NKX2-3: variants seen among roughly 807,000 people sequenced by gnomAD.
The protein encoded by NKX2-3 is homeobox protein Nkx-2.3.
In NKX2-3, 3 loss-of-function variants were observed where a neutral mutation model predicts 14.2. The ratio of observed to expected loss-of-function variants is 0.21; its 90% confidence interval spans 0.10 to 0.55. NKX2-3 has a LOEUF of 0.55. Among genes scored for constraint, NKX2-3 ranks in the 20% least tolerant of loss-of-function variants. The probability of loss-of-function intolerance (pLI) is 0.94; values close to 1 mark genes in which losing one functional copy is unlikely to be tolerated. For synonymous variants in NKX2-3, 276 were observed against 234.2 expected (o/e 1.18, Z -1.63); for missense variants, 511 against 514.5 (o/e 0.99, Z 0.06).
chr10:99,535,513 C>CGGCG lies in NKX2-3; in HGVS notation c.893_896dup (p.Gly300ArgfsTer86). 8.4e-7 allele frequency: 1 copy of CGGCG among 1,196,806 alleles called. No homozygotes were observed. The highest frequency in any genetic ancestry group is 1.0e-6 in the Non-Finnish European group (1 of 962,340). The allele number at this position is 1,196,806 out of a possible 1,614,324, so 74.1% of individuals were successfully genotyped here. A position where few individuals can be genotyped will look rare whatever the true frequency, so the allele number is the denominator to read the frequency against. Reference sequence around the variant, plus strand: ...AGCAGCAGCTATGGCTGTGCGTACCCGGCGGGCGGCGGCGGCGGCGGCGGC... The same window carrying CGGCG: ...AGCAGCAGCTATGGCTGTGCGTACCCGGCGGGCGGGCGGCGGCGGCGGCGGCGGC... On this transcript the variant is annotated frameshift_variant, in exon 2 of 2. Transcript: ENST00000344586. LOFTEE classifies it high-confidence loss of function.
chr10:99,533,348 T>G lies in NKX2-3; in HGVS notation c.217T>G (p.Leu73Val), dbSNP rs774776737. 1 of 1,612,068 alleles carries G rather than the reference T, an allele frequency of 6.2e-7. No homozygotes were observed. The highest frequency in any genetic ancestry group is 1.1e-5 in the South Asian group (1 of 90,690). The part of the protein sequence containing the change: ...EEDEGEKLSY[L>V]NSLAAADGHG... The stretch of plus-strand genomic sequence containing the variant: ...AGACGAGGGCGAGAAATTGTCCTAT[T>G]TGAACTCACTAGCCGCAGCAGACGG... The change falls in exon 1 of 2, where the codon TTG (leucine) becomes GTG (valine). Residue 73 changes from leucine to valine, a missense_variant. Physicochemically the swap from Leu to Val is conservative, Grantham distance 32. This residue lies in a region of NKX2-3 where 243 missense variants were observed against 242.3 expected (regional missense o/e 1.00). Coordinates refer to ENST00000344586, the MANE Select transcript of NKX2-3 (RefSeq NM_145285.3).
intron 1 of NKX2-3, among the ~76,000 whole-genome samples, chr10:99,534,213 G>A (rs1462410420): frequency 6.6e-6 from 1 of 152,218 alleles, no homozygotes; most frequent in Non-Finnish European, 1.5e-5. Flanking sequence ...CGCCGAACTT[G>A]AGTCCGAGAT....
In NKX2-3 at chr10:99,534,115, T is replaced by C. The variant is rs563776022; in HGVS notation, c.358+626T>C. 2.0e-5 allele frequency among the ~76,000 whole-genome samples: 3 copies of C among 152,292 alleles called. No homozygotes were observed. The South Asian group carries it at 6.2e-4, about 32-fold the overall frequency. On this transcript the variant is annotated intron_variant, in intron 1 of 1. Transcript: ENST00000344586. The stretch of plus-strand genomic sequence containing the variant: ...GAACAATGTCTATTCCGCGCGACCA[T>C]AGCTCTCACATCCCTAAGGCGCCAG...
chr10:99,535,915 G>C lies in NKX2-3; in HGVS notation c.*194G>C. Reference sequence around the variant, plus strand: ...AGGGGCGAGGAGGATGACTGGGTCCGGTCGCCAGGACTGTCTCTGAGGCAG... The same window carrying C: ...AGGGGCGAGGAGGATGACTGGGTCCCGTCGCCAGGACTGTCTCTGAGGCAG... On this transcript the variant is annotated 3_prime_UTR_variant, in exon 2 of 2. Coordinates refer to ENST00000344586, the MANE Select transcript of NKX2-3 (RefSeq NM_145285.3). 1 of 654,564 alleles carries C rather than the reference G, an allele frequency of 1.5e-6. No individual in the cohort carries two copies. The highest frequency in any genetic ancestry group is 2.0e-5 in the South Asian group (1 of 49,374). The allele number at this position is 654,564 out of a possible 1,614,324, so 40.5% of individuals were successfully genotyped here. A position where few individuals can be genotyped will look rare whatever the true frequency, so the allele number is the denominator to read the frequency against.
rs2033961783 is a variant in NKX2-3, at chr10:99,535,645, C to G, written c.1019C>G (p.Ala340Gly). The G allele has an allele frequency of 1.2e-5, 18 of 1,535,922 alleles. No individual in the cohort carries two copies. Among genetic ancestry groups the G allele is most frequent in the Non-Finnish European group, 1.6e-5 (18 of 1,144,786 alleles). ...NLGGFGSGGS[A>G]QPLHQGTAAG... is the part of the protein sequence containing the mutation. ...GGAGGCTTCGGCAGCGGCGGCAGCG[C>G]ACAGCCGTTGCACCAGGGTACTGCA... is the stretch of plus-strand genomic sequence containing the variant. The change falls in exon 2 of 2, where the codon GCA becomes GGA. Residue 340 changes from alanine to glycine, a missense_variant. Physicochemically the swap from Ala to Gly is moderately conservative, Grantham distance 60 (BLOSUM62 0). Around this residue, in one of 3 missense-constraint regions of NKX2-3, gnomAD observed 264 missense variants for 254.7 expected, o/e 1.04. Transcript: ENST00000344586.
Position 99,535,958 on chromosome 10 carries a change from CG to C in NKX2-3, c.*241del. 1.9e-6 allele frequency: 1 copy of C among 525,902 alleles called. No individual in the cohort carries two copies. The allele number at this position is 525,902 out of a possible 1,614,324, so 32.6% of individuals were successfully genotyped here. On this transcript the variant is annotated 3_prime_UTR_variant, in exon 2 of 2. Coordinates refer to ENST00000344586, the MANE Select transcript of NKX2-3 (RefSeq NM_145285.3). ...TGAGGCAGAAACGCCGGCTGGGCGCCGGGGAGGACGATGGCCCCGACCCTGG... is the reference window on the plus strand; with the variant it reads ...TGAGGCAGAAACGCCGGCTGGGCGCCGGGAGGACGATGGCCCCGACCCTGG...
chr10:99,535,385 C>T lies in NKX2-3; in HGVS notation c.759C>T (p.Gly253=), dbSNP rs1469760149. 1 of 1,449,142 alleles carries T rather than the reference C, an allele frequency of 6.9e-7. No homozygotes were observed. Among genetic ancestry groups the T allele is most frequent in the East Asian group, 2.9e-5 (1 of 34,124 alleles). The allele number at this position is 1,449,142 out of a possible 1,614,324, so 89.8% of individuals were successfully genotyped here. Residue 253 remains glycine, a synonymous_variant, in exon 2 of 2, where the codon GGC becomes GGT. Transcript: ENST00000344586. ...CCTACGGCGCGCCCTACAGCGTGGG[C>T]GCCAGCGCCTACTCCTACAACAGCT... ...AQAYGAPYSV[G]ASAYSYNSFP...
chr10:99,533,078 C>T lies in NKX2-3; in HGVS notation c.-54C>T. Reference sequence around the variant, plus strand: ...GAGGAGAGCTGGAGCCGCCGCGCTGCCTCCCCGCCCCCGCCGGGATTTATT... The same window carrying T: ...GAGGAGAGCTGGAGCCGCCGCGCTGTCTCCCCGCCCCCGCCGGGATTTATT... On this transcript the variant is annotated 5_prime_UTR_variant, in exon 1 of 2. Coordinates refer to ENST00000344586, the MANE Select transcript of NKX2-3 (RefSeq NM_145285.3). The T allele has an allele frequency of 1.5e-6, 2 of 1,348,594 alleles. No individual in the cohort carries two copies. Among genetic ancestry groups the T allele is most frequent in the Non-Finnish European group, 2.0e-6 (2 of 981,664 alleles). The allele number at this position is 1,348,594 out of a possible 1,614,324, so 83.5% of individuals were successfully genotyped here.
At position 99,535,731 on chromosome 10, in the gene NKX2-3, G is replaced by C. The variant is rs1259124369; in HGVS notation, c.*10G>C. ...CATCCGGGCCTGGTAGGGACGGGGCGGGTCACGCGGCGGGCACCCCAGCGC... is the reference window on the plus strand; with the variant it reads ...CATCCGGGCCTGGTAGGGACGGGGCCGGTCACGCGGCGGGCACCCCAGCGC... On this transcript the variant is annotated 3_prime_UTR_variant, in exon 2 of 2. Transcript: ENST00000344586. 1 of 1,528,922 alleles carries C rather than the reference G, an allele frequency of 6.5e-7. No homozygotes were observed. Among genetic ancestry groups the C allele is most frequent in the South Asian group, 1.2e-5 (1 of 83,706 alleles). 94.7% of individuals were successfully genotyped at this position (1,528,922 alleles called of 1,614,324 possible). A position where few individuals can be genotyped will look rare whatever the true frequency, so the allele number is the denominator to read the frequency against.
rs543586772 is a variant in NKX2-3 at position 99,533,747 on chromosome 10, C to T, written c.358+258C>T. 2.1e-4 allele frequency among the ~76,000 whole-genome samples: 32 copies of T among 152,380 alleles called. No homozygotes were observed. The South Asian group carries it at 6.6e-3, about 32-fold the overall frequency. On this transcript the variant is annotated intron_variant, in intron 1 of 1. Transcript: ENST00000344586. The stretch of plus-strand genomic sequence containing the variant: ...ATGAGGGAAGGGAAGGTGGTTACTG[C>T]TGCCCTGATGCTGAGAGGCGACGTG...
intron 1 of NKX2-3, among the ~76,000 whole-genome samples, chr10:99,534,173 T>G (rs1246453591): frequency 1.3e-5 from 2 of 152,242 alleles, no homozygotes; most frequent in African/African-American, 4.8e-5. Context: ...TTTTGCTTTG[T>G]GTCCCAGGCT....
chr10:99,533,651 C>T (rs988809236), intron 1 of NKX2-3, among the ~76,000 whole-genome samples, 162 bp downstream of exon 1: 6 of 152,244 alleles, frequency 3.9e-5, no homozygotes, highest in African/African-American at 9.6e-5. Flanking sequence ...AGCGCAGGTA[C>T]CTGCAAGGGA....
rs549773276 is a variant in NKX2-3, at chr10:99,535,586, C to A, written c.960C>A (p.Ala320=). The A allele has an allele frequency of 1.3e-6, 2 of 1,503,556 alleles. No individual in the cohort carries two copies. The highest frequency in any genetic ancestry group is 1.2e-5 in the South Asian group (1 of 80,844). The allele number at this position is 1,503,556 out of a possible 1,614,324, so 93.1% of individuals were successfully genotyped here. Residue 320 remains alanine, a synonymous_variant, in exon 2 of 2, where the codon GCC becomes GCA. Transcript: ENST00000344586. ...CCATGCAGCCCGCCTGCAGCGCGGC[C>A]GGAGGCGGCCCCTTTGTGAACGTGA... ...TTAMQPACSA[A]GGGPFVNVSN...
In NKX2-3 at chr10:99,533,471, G is replaced by C; in HGVS notation, c.340G>C (p.Val114Leu). ...PKEHEEEPEV[V>L]RDRSQKSCQL... is the part of the protein sequence containing the mutation. ...GGAACATGAAGAGGAGCCCGAGGTC[G>C]TGAGGGACCGGAGCCAAAGTGAGTA... is the stretch of plus-strand genomic sequence containing the variant. The change falls in exon 1 of 2, where the codon GTG (valine) becomes CTG (leucine). Residue 114 changes from valine (V) to leucine (L), a missense_variant. Physicochemically the swap from Val to Leu is conservative, Grantham distance 32. Around this residue, in one of 3 missense-constraint regions of NKX2-3, gnomAD observed 243 missense variants for 242.3 expected, o/e 1.00. Coordinates refer to ENST00000344586, the MANE Select transcript of NKX2-3 (RefSeq NM_145285.3). 3 of 1,580,512 alleles carry C rather than the reference G, an allele frequency of 1.9e-6. No homozygotes were observed. Among genetic ancestry groups the C allele is most frequent in the Non-Finnish European group, 1.7e-6 (2 of 1,162,772 alleles).
At position 99,535,731 on chromosome 10, in the gene NKX2-3, G is replaced by A. The variant is rs1259124369; in HGVS notation, c.*10G>A. The A allele has an allele frequency of 6.5e-7, 1 of 1,528,922 alleles. No individual in the cohort carries two copies. Among genetic ancestry groups the A allele is most frequent in the African/African-American group, 1.4e-5 (1 of 72,412 alleles). 94.7% of individuals were successfully genotyped at this position (1,528,922 alleles called of 1,614,324 possible). ...CATCCGGGCCTGGTAGGGACGGGGCGGGTCACGCGGCGGGCACCCCAGCGC... is the reference window on the plus strand; with the variant it reads ...CATCCGGGCCTGGTAGGGACGGGGCAGGTCACGCGGCGGGCACCCCAGCGC... On this transcript the variant is annotated 3_prime_UTR_variant, in exon 2 of 2. Coordinates refer to ENST00000344586, the MANE Select transcript of NKX2-3 (RefSeq NM_145285.3).
Position 99,535,415 on chromosome 10 carries a change from C to A in NKX2-3, c.789C>A (p.Pro263=), listed in dbSNP as rs764133324. The A allele has an allele frequency of 2.8e-6, 4 of 1,428,592 alleles. No individual in the cohort carries two copies. The highest frequency in any genetic ancestry group is 3.1e-5 in the East Asian group (1 of 32,470). The allele number at this position is 1,428,592 out of a possible 1,614,324, so 88.5% of individuals were successfully genotyped here. A position where few individuals can be genotyped will look rare whatever the true frequency, so the allele number is the denominator to read the frequency against. The part of the protein sequence containing the change: ...GASAYSYNSF[P]AYGYGNSAAA... ...GCGCCTACTCCTACAACAGCTTCCC[C>A]GCCTACGGCTATGGGAACTCGGCCG... The change falls in exon 2 of 2, where the codon CCC becomes CCA. Residue 263 remains proline (P), a synonymous_variant. Coordinates refer to ENST00000344586, the MANE Select transcript of NKX2-3 (RefSeq NM_145285.3).
In NKX2-3 at chr10:99,536,160, T is replaced by C. The variant is rs2119564089; in HGVS notation, c.*439T>C. 1.1e-5 allele frequency: 2 copies of C among 179,026 alleles called. No individual in the cohort carries two copies. Among genetic ancestry groups the C allele is most frequent in the African/African-American group, 4.8e-5 (2 of 41,896 alleles). The allele number at this position is 179,026 out of a possible 1,614,324, so 11.1% of individuals were successfully genotyped here. A position where few individuals can be genotyped will look rare whatever the true frequency, so the allele number is the denominator to read the frequency against. ...AAATGGGGGTCGTGGCTTGAGAAAT[T>C]CCAGGCCCTACCGATCCTCTGCCCC... On this transcript the variant is annotated 3_prime_UTR_variant, in exon 2 of 2. Transcript: ENST00000344586.
chr10:99,535,443 G>T lies in NKX2-3; in HGVS notation c.817G>T (p.Ala273Ser). Residue 273 changes from alanine (A) to serine (S), a missense_variant, in exon 2 of 2, where the codon GCC (alanine) becomes TCC (serine). Transcript: ENST00000344586. ...PAYGYGNSAA[A>S]AAAAAAAAAA... ...CTACGGCTATGGGAACTCGGCCGCG[G>T]CCGCCGCCGCCGCCGCCGCCGCCGC... is the stretch of plus-strand genomic sequence containing the variant. The T allele has an allele frequency of 8.5e-7, 1 of 1,177,282 alleles. No homozygotes were observed. The highest frequency in any genetic ancestry group is 1.1e-6 in the Non-Finnish European group (1 of 938,228). 72.9% of individuals were successfully genotyped at this position (1,177,282 alleles called of 1,614,324 possible). A position where few individuals can be genotyped will look rare whatever the true frequency, so the allele number is the denominator to read the frequency against.
chr10:99,535,627 T>TCGGCAG lies in NKX2-3; in HGVS notation c.1006_1011dup (p.Ser336_Gly337dup). Reference sequence around the variant, plus strand: ...GTGAACGTGAGCAACCTAGGAGGCTTCGGCAGCGGCGGCAGCGCACAGCCG... The same window carrying TCGGCAG: ...GTGAACGTGAGCAACCTAGGAGGCTTCGGCAGCGGCAGCGGCGGCAGCGCACAGCCG... On this transcript the variant is annotated inframe_insertion, in exon 2 of 2. Coordinates refer to ENST00000344586, the MANE Select transcript of NKX2-3 (RefSeq NM_145285.3). The TCGGCAG allele has an allele frequency of 6.5e-7, 1 of 1,534,982 alleles. No homozygotes were observed. Among genetic ancestry groups the TCGGCAG allele is most frequent in the Non-Finnish European group, 8.7e-7 (1 of 1,144,002 alleles).
Sources: gnomAD v4.1 joint callset for allele counts (sites outside exome capture counted in the v4.1 genomes callset) on GRCh38, gnomAD v4.1.1 for gene constraint, gnomAD v4.1.1 regional missense constraint, MANE v1.5 for transcripts, NCBI Gene and HGNC (gene_info 2026-07-23, HGNC 2026-07-21) for gene names.